Variants in MAST3 observed in about 807,000 individuals in gnomAD.
The protein encoded by MAST3 is microtubule-associated serine/threonine-protein kinase 3.
In MAST3, 43 loss-of-function variants were observed where a neutral mutation model predicts 127.0. The ratio of observed to expected loss-of-function variants is 0.34; its 90% CI spans 0.27 to 0.44. MAST3 has a LOEUF of 0.44. Ranked by LOEUF, MAST3 falls within the 20% of genes least tolerant of loss-of-function variation. The pLI is 1.00. For missense variants in MAST3, 1,390 were observed against 1,919.1 expected (o/e 0.72, Z 5.15); for synonymous variants, 785 against 809.2 (o/e 0.97, Z 0.51).
chr19:18,107,519 G>A (rs1043524080), intron 1 of MAST3, 68 bp from the exon 2 acceptor site: 6 of 1,442,170 alleles, frequency 4.2e-6, no homozygotes, highest in Non-Finnish European at 5.9e-6. Context: ...TTGTGGGGGT[G>A]CATCAACGGC....
chr19:18,149,897 A>T lies in MAST3; in HGVS notation c.*171A>T. On this transcript the variant is annotated 3_prime_UTR_variant, in exon 28 of 28. Coordinates refer to ENST00000687212, the MANE Select transcript of MAST3 (RefSeq NM_001393504.1). This position sits in a 1 kb window ranked among gnomAD's most constrained non-coding sequence, Gnocchi z 5.9. Reference sequence around the variant, plus strand: ...AGACATCGCTTGTGTTCTGGTGTCAATCGGGGCTGGATGGGGCAAGAATGG... The same window carrying T: ...AGACATCGCTTGTGTTCTGGTGTCATTCGGGGCTGGATGGGGCAAGAATGG... 1.4e-6 allele frequency: 1 copy of T among 738,568 alleles called. No homozygotes were observed. The highest frequency in any genetic ancestry group is 1.8e-6 in the Non-Finnish European group (1 of 542,746). 45.8% of individuals were successfully genotyped at this position (738,568 alleles called of 1,614,324 possible). A position where few individuals can be genotyped will look rare whatever the true frequency, so the allele number is the denominator to read the frequency against.
intron 21 of MAST3, among the ~76,000 whole-genome samples, chr19:18,143,081 C>T (rs1180964126): frequency 2.7e-5 from 4 of 150,426 alleles, no homozygotes; most frequent in East Asian, 4.0e-4. Flanking sequence ...CACTGCACTC[C>T]GGCCGGGGTG....
Position 18,123,610 on chromosome 19 carries a change from T to C in MAST3, c.588T>C (p.Asn196=). The C allele has an allele frequency of 6.3e-7, 1 of 1,585,374 alleles. No homozygotes were observed. The highest frequency in any genetic ancestry group is 1.3e-5 in the African/African-American group (1 of 74,424). The change falls in exon 8 of 28, where the codon AAT becomes AAC. Residue 196 remains asparagine (N), a synonymous_variant. Coordinates refer to ENST00000687212, the MANE Select transcript of MAST3 (RefSeq NM_001393504.1). ...GCCGTGCAACGGGGACCTTCGACAA[T>C]GAGATTGTCATGATGAATCACGTGT... ...SPGRATGTFD[N]EIVMMNHVYR...
Position 18,142,093 on chromosome 19 carries a change from GGGAGCTTCCTAGT to G in MAST3, c.2339+81_2339+93del, listed in dbSNP as rs981043435. The stretch of plus-strand genomic sequence containing the variant: ...GTAGAGACACAAAATCTGATGCAAA[GGGAGCTTCCTAGT>G]GGCCAAGTAGAAAAGGGTCAAACAT... On this transcript the variant is annotated intron_variant, in intron 21 of 27. Coordinates refer to ENST00000687212, the MANE Select transcript of MAST3 (RefSeq NM_001393504.1). 52 of 1,320,358 alleles carry G rather than the reference GGGAGCTTCCTAGT, an allele frequency of 3.9e-5. No individual in the cohort carries two copies. In the African/African-American group the frequency reaches 5.3e-4, roughly 13 times the overall value. 81.8% of individuals were successfully genotyped at this position (1,320,358 alleles called of 1,614,324 possible). A position where few individuals can be genotyped will look rare whatever the true frequency, so the allele number is the denominator to read the frequency against.
intron 20 of MAST3, among the ~76,000 whole-genome samples, chr19:18,139,428 G>T (rs1247251149): frequency 2.0e-5 from 3 of 152,090 alleles, no homozygotes; most frequent in Non-Finnish European, 4.4e-5. Flanking sequence ...AGGTTCAAGC[G>T]ATTCTCCTGC....
rs372242502 is a variant in MAST3 at position 18,112,581 on chromosome 19, C to T, written c.161+1840C>T. On this transcript the variant is annotated intron_variant, in intron 3 of 27. Transcript: ENST00000687212. The surrounding 1 kb of genome is among the most constrained non-coding windows in gnomAD (Gnocchi z 4.1). ...AGCTCCCGACCTCAAGTGATTCTCC[C>T]GCCTTGGCCTCTCAAAGTGCTGGGA... is the stretch of plus-strand genomic sequence containing the variant. 8.5e-5 allele frequency among the ~76,000 whole-genome samples: 13 copies of T among 152,250 alleles called. 1 individual carries two copies. In the South Asian group the frequency reaches 1.9e-3, roughly 22 times the overall value.
intron 1 of MAST3, among the ~76,000 whole-genome samples, chr19:18,099,870 C>G (rs1370267488): frequency 2.0e-5 from 3 of 152,170 alleles, no homozygotes; most frequent in Non-Finnish European, 4.4e-5. Context: ...GCCTTCAGTG[C>G]TGATTTTGAA....
intron 1 of MAST3, among the ~76,000 whole-genome samples, chr19:18,102,328 C>T (rs555002773): frequency 7.9e-5 from 12 of 151,868 alleles, no homozygotes; most frequent in Admixed American, 2.0e-4. Context: ...TACAGGCATG[C>T]GCCACCACAT....
At chr19:18,131,329 A>T (rs1271673535) in intron 14 of MAST3, among the ~76,000 whole-genome samples, 1 of 151,804 alleles carries the variant, frequency 6.6e-6, no homozygotes, top group African/African-American at 2.4e-5. Flanking sequence ...CAGTGAGCCG[A>T]GACTGCGCCA....
rs779462360 is a variant in MAST3, at chr19:18,134,701, T to C, written c.1694T>C (p.Ile565Thr). The C allele has an allele frequency of 2.5e-6, 4 of 1,613,648 alleles. No homozygotes were observed. The highest frequency in any genetic ancestry group is 1.7e-5 in the Admixed American group (1 of 59,938). ...GHIEKDAREF[I>T]DKQVCGTPEY... The stretch of plus-strand genomic sequence containing the variant: ...ATCGAGAAGGACGCCCGAGAGTTCA[T>C]CGACAAGCAGGTGGGCGGGCAGGTG... The change falls in exon 16 of 28, where the codon ATC becomes ACC. Residue 565 changes from isoleucine to threonine, a missense_variant. Physicochemically the swap from Ile to Thr is moderately conservative, Grantham distance 89. This residue lies in a region of MAST3 where 191 missense variants were observed against 409.0 expected (regional missense o/e 0.47). Coordinates refer to ENST00000687212, the MANE Select transcript of MAST3 (RefSeq NM_001393504.1).
intron 15 of MAST3, among the ~76,000 whole-genome samples, chr19:18,132,557 G>C (rs1314725574): frequency 1.3e-5 from 2 of 152,194 alleles, no homozygotes; most frequent in African/African-American, 4.8e-5. Flanking sequence ...CGTGTTTACT[G>C]AGAGCCTTAG....
chr19:18,143,067 G>A (rs891045140), intron 21 of MAST3, among the ~76,000 whole-genome samples: 2 of 150,746 alleles, frequency 1.3e-5, no homozygotes, highest in Admixed American at 6.6e-5. Context: ...AGCCAAGATC[G>A]TGCCACTGCA....
intron 1 of MAST3, among the ~76,000 whole-genome samples, chr19:18,101,585 A>C (rs923863428): frequency 6.6e-6 from 1 of 152,094 alleles, no homozygotes; most frequent in African/African-American, 2.4e-5. Flanking sequence ...TACTCCAGGA[A>C]GCCCCTTAGC....
chr19:18,120,684 C>T (rs1312786380), intron 3 of MAST3, among the ~76,000 whole-genome samples: 1 of 152,064 alleles, frequency 6.6e-6, no homozygotes, highest in Non-Finnish European at 1.5e-5. Context: ...TATAAGCATG[C>T]ACTACCACAC....
chr19:18,147,561 A>C lies in MAST3; in HGVS notation c.3445A>C (p.Thr1149Pro), dbSNP rs200536154. 6.3e-7 allele frequency: 1 copy of C among 1,579,788 alleles called. No homozygotes were observed. The highest frequency in any genetic ancestry group is 2.3e-5 in the East Asian group (1 of 42,658). The change falls in exon 27 of 28, where the codon ACC (threonine) becomes CCC (proline). Residue 1149 changes from threonine to proline, a missense_variant. Thr to Pro is a conservative substitution (Grantham distance 38, BLOSUM62 -1). Transcript: ENST00000687212. ...CAGTGAGAGCCTCCCCGGCTCGCCC[A>C]CCCACAGCCTCTCCCCCAGCCCCAC... ...SSSESLPGSPTHSLSPSPTTP... is the reference protein window; with the variant it reads ...SSSESLPGSPPHSLSPSPTTP...
At position 18,127,216 on chromosome 19, in the gene MAST3, C is replaced by T. The variant is rs533489471; in HGVS notation, c.1079-1184C>T. On this transcript the variant is annotated intron_variant, in intron 11 of 27. Transcript: ENST00000687212. ...AGTGAGCCATGATGGCACCACTGCA[C>T]TCCAGCCTGGGTGACAGAGCAAGAG... Among the ~76,000 whole-genome samples, 6 of 152,162 alleles carry T rather than the reference C, an allele frequency of 3.9e-5. No homozygotes were observed. The East Asian group carries it at 1.2e-3, about 30-fold the overall frequency.
In MAST3 at chr19:18,128,929, C is replaced by T. The variant is rs373498562; in HGVS notation, c.1201C>T (p.Leu401Phe). The T allele has an allele frequency of 6.2e-7, 1 of 1,613,862 alleles. No homozygotes were observed. The highest frequency in any genetic ancestry group is 8.5e-7 in the Non-Finnish European group (1 of 1,179,898). The change falls in exon 13 of 28, where the codon CTC becomes TTC. Residue 401 changes from leucine (L) to phenylalanine (F), a missense_variant. Transcript: ENST00000687212. ...PCESDFETIK[L>F]ISNGAYGAVY... ...CGAAAGCGACTTTGAGACCATCAAA[C>T]TCATTAGCAACGGAGCCTATGGGTG...
chr19:18,118,045 A>G (rs951093516), intron 3 of MAST3: 1 of 940,384 alleles, frequency 1.1e-6, no homozygotes, highest in African/African-American at 1.8e-5. Flanking sequence ...CCGCCCCCCC[A>G]TCCCCGCAGC....
At chr19:18,133,314 C>T (rs1356033966) in intron 15 of MAST3, among the ~76,000 whole-genome samples, 7 of 152,116 alleles carry the variant, frequency 4.6e-5, no homozygotes, top group Non-Finnish European at 5.9e-5. Flanking sequence ...CAGGTGTATA[C>T]AAAATAGGCA....
Sources: allele counts gnomAD v4.1 joint callset (sites outside exome capture counted in the v4.1 genomes callset), GRCh38; gene constraint gnomAD v4.1.1; regional missense constraint gnomAD v4.1.1; non-coding constraint Gnocchi (gnomAD v3.1); transcripts MANE v1.5; gene names NCBI Gene and HGNC (gene_info 2026-07-23, HGNC 2026-07-21).